KLF12: variants seen among roughly 807,000 people sequenced by gnomAD.
KLF12 encodes the protein KLF transcription factor 12.
In KLF12, 9 loss-of-function variants were observed where a neutral mutation model predicts 37.8. The observed-to-expected ratio is 0.24, with a 90% CI of 0.14 to 0.42. The LOEUF is 0.42. KLF12 is among the 10% of genes least tolerant of loss of function. KLF12 has a pLI of 1.00. For synonymous variants in KLF12, 208 were observed against 202.1 expected (o/e 1.03, Z -0.25); for missense variants, 411 against 516.0 (o/e 0.80, Z 1.97).
At chr13:74,133,464 T>C (rs1878381635) in intron 1 of KLF12, among the ~76,000 whole-genome samples, 1 of 151,642 alleles carries the variant, frequency 6.6e-6, no homozygotes. Context: ...AAAAAAAAAA[T>C]TAGGGGAGGT....
At chr13:74,079,963 C>G (rs957419631) in intron 1 of KLF12, among the ~76,000 whole-genome samples, 2 of 152,134 alleles carry the variant, frequency 1.3e-5, no homozygotes, top group African/African-American at 4.8e-5. Flanking sequence ...GAGGTGGAAG[C>G]AAACCCAAAA....
At chr13:73,700,290 T>A (rs146059892) in intron 7 of KLF12, among the ~76,000 whole-genome samples, 2,883 of 150,994 alleles carry the variant, frequency 0.019, 92 homozygotes, top group African/African-American at 0.061. Context: ...ATAAATTAAT[T>A]AATTAATTAA....
chr13:74,055,479 C>T (rs1469368517), intron 1 of KLF12, among the ~76,000 whole-genome samples: 3 of 152,112 alleles, frequency 2.0e-5, no homozygotes, highest in South Asian at 2.1e-4. Flanking sequence ...AGCTGCAAAG[C>T]GTGCTCCAGT....
chr13:73,861,531 C>A (rs1885925897), intron 3 of KLF12, among the ~76,000 whole-genome samples: 1 of 152,196 alleles, frequency 6.6e-6, no homozygotes, highest in South Asian at 2.1e-4. Flanking sequence ...TGAGCAACAT[C>A]TGAAGACATT....
Position 73,818,323 on chromosome 13 carries a change from G to T in KLF12, c.671-5036C>A, listed in dbSNP as rs372088525. ...ACTGCGCCGGCCGAACACTTTTTCA[G>T]CTCTTCTCCTCAGCTGAGACTTGAT... On this transcript the variant is annotated intron_variant, in intron 4 of 7. Transcript: ENST00000377669. 2.0e-5 allele frequency among the ~76,000 whole-genome samples: 3 copies of T among 152,300 alleles called. No homozygotes were observed. In the East Asian group the frequency reaches 5.8e-4, roughly 29 times the overall value.
intron 3 of KLF12, among the ~76,000 whole-genome samples, chr13:73,918,500 A>AT (rs545292504): frequency 7.2e-5 from 11 of 152,070 alleles, no homozygotes; most frequent in South Asian, 2.1e-4. Flanking sequence ...TATACAAGAT[A>AT]TTTTTTTTAC....
intron 6 of KLF12, among the ~76,000 whole-genome samples, chr13:73,720,721 A>G (rs1029505357): frequency 6.6e-6 from 1 of 152,202 alleles, no homozygotes; most frequent in African/African-American, 2.4e-5. Context: ...GAGGCTCAAA[A>G]AGTCACATCC....
chr13:74,276,620 G>T, the KLF12 span, among the ~76,000 whole-genome samples: 1 of 152,048 alleles, frequency 6.6e-6, no homozygotes, highest in Non-Finnish European at 1.5e-5. Context: ...CCTGATTTCA[G>T]CATTATAAAA....
At chr13:74,181,005 CTTT>C in the KLF12 span, among the ~76,000 whole-genome samples, 2 of 151,900 alleles carry the variant, frequency 1.3e-5, no homozygotes, top group African/African-American at 4.8e-5. Flanking sequence ...ATATCTTTTT[CTTT>C]TGTTTTTTTT....
intron 1 of KLF12, among the ~76,000 whole-genome samples, chr13:74,019,183 GTTAAC>G (rs1892777188): frequency 1.3e-5 from 2 of 152,146 alleles, no homozygotes; most frequent in South Asian, 2.1e-4. Context: ...AAATCAAAAT[GTTAAC>G]TTATTATGTT....
chr13:74,014,053 T>C lies in KLF12; in HGVS notation c.-31-19000A>G, dbSNP rs760552310. 3.9e-5 allele frequency among the ~76,000 whole-genome samples: 6 copies of C among 152,312 alleles called. No individual in the cohort carries two copies. In the South Asian group the frequency reaches 8.3e-4, roughly 21 times the overall value. On this transcript the variant is annotated intron_variant, in intron 1 of 7. Coordinates refer to ENST00000377669, the MANE Select transcript of KLF12 (RefSeq NM_007249.5). ...GAGGAAGAGTTTGAGAAATAGGCTATTGAGCATAACTTGCAGGGGGCAGGA... is the reference window on the plus strand; with the variant it reads ...GAGGAAGAGTTTGAGAAATAGGCTACTGAGCATAACTTGCAGGGGGCAGGA...
At chr13:74,235,336 T>A in the KLF12 span, among the ~76,000 whole-genome samples, 1 of 152,068 alleles carries the variant, frequency 6.6e-6, no homozygotes, top group Non-Finnish European at 1.5e-5. Flanking sequence ...GTGTCAAGAG[T>A]TTATCTAAGT....
intron 6 of KLF12, among the ~76,000 whole-genome samples, chr13:73,733,583 T>C (rs1380587798): frequency 1.3e-5 from 2 of 152,296 alleles, no homozygotes; most frequent in South Asian, 2.1e-4. Flanking sequence ...GGATGACAGA[T>C]GGGCATCTAG....
At chr13:73,742,749 A>C (rs1278441811) in intron 6 of KLF12, among the ~76,000 whole-genome samples, 1 of 152,210 alleles carries the variant, frequency 6.6e-6, no homozygotes, top group Non-Finnish European at 1.5e-5. Flanking sequence ...TTTAAGATAG[A>C]GGTCACACAG....
chr13:74,004,213 T>G (rs994959211), intron 1 of KLF12, among the ~76,000 whole-genome samples: 3 of 152,138 alleles, frequency 2.0e-5, no homozygotes, highest in African/African-American at 7.2e-5. Flanking sequence ...TGAATTAAAA[T>G]TGTTCAGGGT....
chr13:74,154,375 T>A, the KLF12 span, among the ~76,000 whole-genome samples: 1 of 152,026 alleles, frequency 6.6e-6, no homozygotes, highest in African/African-American at 2.4e-5. Context: ...GACAAAAAAA[T>A]TATTTTTACA....
At chr13:73,966,834 C>A (rs147369980) in intron 2 of KLF12, among the ~76,000 whole-genome samples, 5 of 152,146 alleles carry the variant, frequency 3.3e-5, no homozygotes, top group Non-Finnish European at 7.4e-5. Context: ...CCAAAACATG[C>A]AGCTGACTTC....
At chr13:74,257,237 T>C in the KLF12 span, 1 of 152,186 alleles carries the variant, frequency 6.6e-6, no homozygotes, top group Non-Finnish European at 1.5e-5. Context: ...ATCTGAGATA[T>C]AGAAGAGACT....
At chr13:74,162,797 A>C in the KLF12 span, among the ~76,000 whole-genome samples, 1 of 152,212 alleles carries the variant, frequency 6.6e-6, no homozygotes, top group Admixed American at 6.5e-5. Context: ...TTTGGAAAAC[A>C]GCCGGAGATA....
Sources: allele counts gnomAD v4.1 joint callset (sites outside exome capture counted in the v4.1 genomes callset), GRCh38; gene constraint gnomAD v4.1.1; transcripts MANE v1.5; gene names NCBI Gene and HGNC (gene_info 2026-07-23, HGNC 2026-07-21).